The following STXBP4 variants were observed in gnomAD, a reference collection of about 807,000 sequenced individuals.
STXBP4 encodes syntaxin-binding protein 4.
In STXBP4, 55 loss-of-function variants were observed where a neutral mutation model predicts 76.1. The observed-to-expected ratio is 0.72, with a 90% CI of 0.58 to 0.91. The LOEUF is 0.91. Ranked by LOEUF, STXBP4 falls within the 40% of genes least tolerant of loss-of-function variation. The probability of loss-of-function intolerance (pLI) is 0.00; values close to 1 mark genes in which losing one functional copy is unlikely to be tolerated. For synonymous variants in STXBP4, 201 were observed against 220.2 expected, an observed-to-expected ratio of 0.91 and a Z score of 0.77; for missense variants, 618 against 636.9, an observed-to-expected ratio of 0.97 and a Z score of 0.32.
chr17:55,142,603 G>A (rs2080106593), intron 17 of STXBP4, among the ~76,000 whole-genome samples: 1 of 151,984 alleles, frequency 6.6e-6, no homozygotes, highest in South Asian at 2.1e-4. Flanking sequence ...TAGCCATCAT[G>A]AATTTACAAT....
rs183160123 is a variant in STXBP4, at chr17:55,009,988, G to A, written c.666+2391G>A. ...CAGATTCAACTTTGTTGTCCATTAC[G>A]TTTTAACACATTCCTATTCAGTAAT... On this transcript the variant is annotated intron_variant, in intron 8 of 17. Coordinates refer to ENST00000376352, the MANE Select transcript of STXBP4 (RefSeq NM_178509.6). 2.6e-4 allele frequency among the ~76,000 whole-genome samples: 40 copies of A among 151,776 alleles called. 1 individual carries two copies. Among genetic ancestry groups the A allele is most frequent in the African/African-American group, 9.2e-4 (38 of 41,434 alleles).
At chr17:55,212,941 A>G in the STXBP4 span, among the ~76,000 whole-genome samples, 1 of 152,098 alleles carries the variant, frequency 6.6e-6, no homozygotes, top group Non-Finnish European at 1.5e-5. Flanking sequence ...ACACGCATGA[A>G]CCCTAAGGAA....
chr17:55,212,316 A>G, the STXBP4 span, among the ~76,000 whole-genome samples: 1 of 152,114 alleles, frequency 6.6e-6, no homozygotes, highest in South Asian at 2.1e-4. Context: ...ACAAATGGGC[A>G]CTCAATAAAT....
At chr17:54,977,702 A>G (rs1442881149) in intron 1 of STXBP4, among the ~76,000 whole-genome samples, 1 of 152,194 alleles carries the variant, frequency 6.6e-6, no homozygotes, top group Non-Finnish European at 1.5e-5. Flanking sequence ...CAATTTTCTT[A>G]AACAACCTTA....
chr17:55,212,748 T>C, the STXBP4 span, among the ~76,000 whole-genome samples: 2 of 152,222 alleles, frequency 1.3e-5, no homozygotes, highest in Admixed American at 6.5e-5. Flanking sequence ...TCTAGGATTA[T>C]CAAAGGAGAC....
At chr17:55,198,878 A>T in the STXBP4 span, among the ~76,000 whole-genome samples, 1 of 152,266 alleles carries the variant, frequency 6.6e-6, no homozygotes, top group Admixed American at 6.5e-5. Context: ...TAATGCCAGC[A>T]TCTGCTCTGT....
chr17:55,022,569 C>CA (rs533536370), intron 8 of STXBP4, among the ~76,000 whole-genome samples: 17 of 151,682 alleles, frequency 1.1e-4, no homozygotes, highest in Non-Finnish European at 2.5e-4. Context: ...GTAGAAAATT[C>CA]AAAAAACAAG....
intron 8 of STXBP4, among the ~76,000 whole-genome samples, chr17:55,010,084 A>G (rs2078081232): frequency 6.6e-6 from 1 of 151,996 alleles, no homozygotes; most frequent in African/African-American, 2.4e-5. Flanking sequence ...ATCTTCTATA[A>G]ACATTACACG....
intron 13 of STXBP4, among the ~76,000 whole-genome samples, chr17:55,077,612 A>G (rs2079199101): frequency 6.6e-6 from 1 of 151,036 alleles, no homozygotes; most frequent in South Asian, 2.1e-4. Flanking sequence ...CTCTTACCCC[A>G]GTGGGCTCAC....
chr17:55,058,914 A>C (rs151137361), intron 12 of STXBP4, among the ~76,000 whole-genome samples: 1 of 152,078 alleles, frequency 6.6e-6, no homozygotes, highest in Non-Finnish European at 1.5e-5. Context: ...ACTTCTTATC[A>C]AATTCACCAT....
At chr17:55,090,663 A>G (rs951040863) in intron 16 of STXBP4, among the ~76,000 whole-genome samples, 1 of 152,194 alleles carries the variant, frequency 6.6e-6, no homozygotes, top group Non-Finnish European at 1.5e-5. Flanking sequence ...TCTAGCTCTT[A>G]TAAACAAATG....
chr17:55,125,141 A>G (rs1023090713), intron 16 of STXBP4, among the ~76,000 whole-genome samples: 2 of 152,164 alleles, frequency 1.3e-5, no homozygotes, highest in Non-Finnish European at 2.9e-5. Flanking sequence ...TTAACGTACA[A>G]TTTATTCATG....
At chr17:54,969,279 A>G (rs1480968836) in intron 1 of STXBP4, among the ~76,000 whole-genome samples, 1 of 152,232 alleles carries the variant, frequency 6.6e-6, no homozygotes, top group East Asian at 1.9e-4. Flanking sequence ...TAGGAGGGCC[A>G]TTTAAGGAGA....
chr17:54,995,989 A>G (rs1482275779), intron 4 of STXBP4, among the ~76,000 whole-genome samples: 1 of 152,098 alleles, frequency 6.6e-6, no homozygotes, highest in Non-Finnish European at 1.5e-5. Context: ...CACTAAAAGA[A>G]TCATTGCCCC....
intron 8 of STXBP4, among the ~76,000 whole-genome samples, chr17:55,025,238 AATT>A (rs1447583747): frequency 6.6e-6 from 1 of 152,180 alleles, no homozygotes; most frequent in Non-Finnish European, 1.5e-5. Flanking sequence ...TACTATGAAT[AATT>A]ATATGCCATC....
chr17:55,212,479 T>C, the STXBP4 span, among the ~76,000 whole-genome samples: 2 of 152,204 alleles, frequency 1.3e-5, no homozygotes, highest in African/African-American at 2.4e-5. Flanking sequence ...GTTCAATATA[T>C]GGTTATTATC....
chr17:55,176,899 G>A (rs758941322), downstream of STXBP4, among the ~76,000 whole-genome samples: 2 of 152,020 alleles, frequency 1.3e-5, no homozygotes, highest in Non-Finnish European at 2.9e-5. Flanking sequence ...GGGGCCTTGA[G>A]ACTCAGATTG....
chr17:55,013,570 G>A (rs951371463), intron 8 of STXBP4, among the ~76,000 whole-genome samples: 4 of 152,202 alleles, frequency 2.6e-5, no homozygotes, highest in Non-Finnish European at 4.4e-5. Flanking sequence ...GATAATTTTA[G>A]TCCTAAGTAT....
intron 8 of STXBP4, among the ~76,000 whole-genome samples, chr17:55,027,162 G>A (rs771397961): frequency 1.2e-4 from 19 of 152,276 alleles, no homozygotes; most frequent in Non-Finnish European, 2.5e-4. Flanking sequence ...AGTACTGCCC[G>A]TGGCCAGAGA....
Sources: allele counts gnomAD v4.1 joint callset (sites outside exome capture counted in the v4.1 genomes callset), GRCh38; gene constraint gnomAD v4.1.1; transcripts MANE v1.5; gene names NCBI Gene and HGNC (gene_info 2026-07-23, HGNC 2026-07-21).